The following FARP2 variants were observed in gnomAD, a reference collection of about 807,000 sequenced individuals.
FARP2 encodes the protein FERM, ARHGEF and pleckstrin domain-containing protein 2.
FARP2 carries 111 observed loss-of-function variants against 130.5 expected under a neutral mutation model. The observed-to-expected ratio is 0.85, with a 90% CI of 0.73 to 1.00. The LOEUF (loss-of-function observed/expected upper bound fraction) is 1.00, where lower values mean the gene tolerates loss of function less well. Among genes scored for constraint, FARP2 ranks in the 50% least tolerant of loss-of-function variants. The pLI is 0.00. For synonymous variants in FARP2, 504 were observed against 516.9 expected (o/e 0.98, Z 0.34); for missense variants, 1,385 against 1,346.3 (o/e 1.03, Z -0.45).
intron 2 of FARP2, among the ~76,000 whole-genome samples, chr2:241,381,566 G>T (rs1429941881): frequency 1.3e-5 from 2 of 152,020 alleles, no homozygotes; most frequent in Non-Finnish European, 2.9e-5. Context: ...TGCTTTTCAG[G>T]GTTCTGCTGG....
chr2:241,386,966 T>G (rs1297068862), intron 2 of FARP2, among the ~76,000 whole-genome samples: 2 of 152,242 alleles, frequency 1.3e-5, no homozygotes, highest in Non-Finnish European at 2.9e-5. Flanking sequence ...CCCCTTGCTT[T>G]TTTGTTTGTT....
intron 7 of FARP2, among the ~76,000 whole-genome samples, chr2:241,416,168 A>C (rs1234238621): frequency 6.6e-6 from 1 of 151,826 alleles, no homozygotes. Flanking sequence ...TCCTGTGTAC[A>C]TTGTATACTG....
intron 24 of FARP2, among the ~76,000 whole-genome samples, chr2:241,492,292 G>A (rs1395862803): frequency 6.6e-6 from 1 of 152,214 alleles, no homozygotes; most frequent in Non-Finnish European, 1.5e-5. Flanking sequence ...CTCCCCTGAT[G>A]ACCCTGGGTA....
chr2:241,421,222 TAC>T (rs2062799385), intron 8 of FARP2, among the ~76,000 whole-genome samples: 1 of 152,178 alleles, frequency 6.6e-6, no homozygotes, highest in African/African-American at 2.4e-5. Flanking sequence ...TTGGGTCCAA[TAC>T]ACAGAGTTGT....
intron 21 of FARP2, 101 bp downstream of exon 21, chr2:241,484,432 GAGC>G: frequency 1.1e-6 from 1 of 903,068 alleles, no homozygotes; most frequent in Non-Finnish European, 1.8e-6. Flanking sequence ...GCAACACTGA[GAGC>G]AGCACCTGCT....
intron 2 of FARP2, among the ~76,000 whole-genome samples, chr2:241,397,364 T>G (rs1036656051): frequency 6.6e-6 from 1 of 152,062 alleles, no homozygotes; most frequent in Non-Finnish European, 1.5e-5. Context: ...TAAACTAGAT[T>G]GATGTGTGTT....
intron 12 of FARP2, among the ~76,000 whole-genome samples, chr2:241,439,379 G>A (rs1043886094): frequency 1.3e-5 from 2 of 151,840 alleles, no homozygotes; most frequent in Non-Finnish European, 2.9e-5. Flanking sequence ...GCCCAGGCTG[G>A]AGTGCAGTGG....
chr2:241,466,903 G>A (rs2064187054), intron 17 of FARP2, among the ~76,000 whole-genome samples: 1 of 151,926 alleles, frequency 6.6e-6, no homozygotes, highest in Admixed American at 6.6e-5. Context: ...TCTCCACAGT[G>A]GTTTCCGACT....
intron 8 of FARP2, among the ~76,000 whole-genome samples, chr2:241,418,642 G>A (rs180791038): frequency 6.6e-6 from 1 of 152,326 alleles, no homozygotes; most frequent in East Asian, 1.9e-4. Flanking sequence ...TGAAGTGTTT[G>A]TATTAGTTGT....
Position 241,463,979 on chromosome 2 carries a change from A to T in FARP2, c.1892A>T (p.Lys631Met). 1 of 1,613,492 alleles carries T rather than the reference A, an allele frequency of 6.2e-7. No individual in the cohort carries two copies. Among genetic ancestry groups the T allele is most frequent in the Non-Finnish European group, 8.5e-7 (1 of 1,179,536 alleles). The change falls in exon 17 of 27, where the codon AAG becomes ATG. Residue 631 changes from lysine (K) to methionine (M), a missense_variant and splice_region_variant. By Grantham distance (95) the Lys-to-Met change is moderately conservative. Transcript: ENST00000264042. ...DILLRNMRQL[K>M]EFTSYFQRHD... Reference sequence around the variant, plus strand: ...CTGCTCAGGAACATGCGCCAGTTAAAGGTAGGCTGCATGGTGACTACTGCC... The same window carrying T: ...CTGCTCAGGAACATGCGCCAGTTAATGGTAGGCTGCATGGTGACTACTGCC...
At chr2:241,440,025 A>T (rs542742943) in intron 12 of FARP2, among the ~76,000 whole-genome samples, 1 of 152,350 alleles carries the variant, frequency 6.6e-6, no homozygotes, top group African/African-American at 2.4e-5. Flanking sequence ...TTTAAAAGCC[A>T]CATGAGAATA....
Position 241,491,516 on chromosome 2 carries a change from G to A in FARP2, c.2624G>A (p.Arg875Lys). 6.2e-7 allele frequency: 1 copy of A among 1,613,308 alleles called. No homozygotes were observed. The highest frequency in any genetic ancestry group is 8.5e-7 in the Non-Finnish European group (1 of 1,179,854). Residue 875 changes from arginine (R) to lysine (K), a missense_variant and splice_region_variant, in exon 24 of 27, where the codon AGA becomes AAA. Arg to Lys is a conservative substitution (Grantham distance 26). Coordinates refer to ENST00000264042, the MANE Select transcript of FARP2 (RefSeq NM_014808.4). ...TGAGACGCTGCTGACTTCTCCCCAG[G>A]ATCCCCCAACGAGGTATCTCTGGAG... ...PGRTVCTRPP[R>K]SPNEVSLEQE...
intron 13 of FARP2, among the ~76,000 whole-genome samples, chr2:241,451,184 G>C (rs2063648679): frequency 1.3e-5 from 2 of 152,018 alleles, no homozygotes; most frequent in South Asian, 4.2e-4. Context: ...GTGTTGCCAA[G>C]GCTGGTCTCA....
At chr2:241,388,153 G>A (rs2061832139) in intron 2 of FARP2, among the ~76,000 whole-genome samples, 1 of 152,152 alleles carries the variant, frequency 6.6e-6, no homozygotes, top group African/African-American at 2.4e-5. Flanking sequence ...AAAAGTTGGA[G>A]GACTCACACT....
chr2:241,416,834 G>A (rs575525609), intron 7 of FARP2, among the ~76,000 whole-genome samples: 6 of 152,248 alleles, frequency 3.9e-5, no homozygotes, highest in African/African-American at 1.4e-4. Flanking sequence ...GCTTGAGCCT[G>A]GGAGGCAGAG....
chr2:241,453,414 A>T (rs2063728184), intron 13 of FARP2, among the ~76,000 whole-genome samples: 1 of 152,022 alleles, frequency 6.6e-6, no homozygotes, highest in South Asian at 2.1e-4. Flanking sequence ...CAAGGTCAGG[A>T]GATCGAGACC....
Position 241,491,590 on chromosome 2 carries a change from C to A in FARP2, c.2698C>A (p.His900Asn). Residue 900 changes from histidine to asparagine, a missense_variant, in exon 24 of 27, where the codon CAT becomes AAT. His to Asn is a moderately conservative substitution (Grantham distance 68, BLOSUM62 1). Coordinates refer to ENST00000264042, the MANE Select transcript of FARP2 (RefSeq NM_014808.4). ...ARGVRSSLEG[H>N]GQHRANTTMH... ...GGGTGTCCGCAGCTCCCTGGAGGGG[C>A]ATGGCCAGCACCGGGCCAACACCAC... 6.2e-7 allele frequency: 1 copy of A among 1,613,840 alleles called. No individual in the cohort carries two copies. The highest frequency in any genetic ancestry group is 8.5e-7 in the Non-Finnish European group (1 of 1,179,976).
intron 2 of FARP2, among the ~76,000 whole-genome samples, chr2:241,397,328 G>A (rs981342261): frequency 1.3e-5 from 2 of 152,082 alleles, no homozygotes; most frequent in South Asian, 2.1e-4. Flanking sequence ...AAAACTTAAA[G>A]TATAATAATA....
chr2:241,467,567 G>A (rs574245960), intron 17 of FARP2, among the ~76,000 whole-genome samples: 1 of 151,944 alleles, frequency 6.6e-6, no homozygotes, highest in East Asian at 1.9e-4. Context: ...ACTTGAACCC[G>A]GGAGGCAGAG....
Sources: allele counts gnomAD v4.1 joint callset (sites outside exome capture counted in the v4.1 genomes callset), GRCh38; gene constraint gnomAD v4.1.1; transcripts MANE v1.5; gene names NCBI Gene and HGNC (gene_info 2026-07-23, HGNC 2026-07-21).